Variants in NRG3 observed in about 807,000 individuals in gnomAD.
NRG3 encodes the protein neuregulin 3.
In NRG3, 31 loss-of-function variants were observed where a neutral mutation model predicts 66.9. The observed-to-expected ratio is 0.46, with a 90% CI of 0.35 to 0.63. NRG3 has a LOEUF of 0.63. NRG3 is among the 20% of genes least tolerant of loss of function. The pLI is 0.00. For synonymous variants in NRG3, 393 were observed against 359.4 expected (o/e 1.09, Z -1.06); for missense variants, 910 against 878.9 (o/e 1.04, Z -0.45).
intron 4 of NRG3, among the ~76,000 whole-genome samples, chr10:82,870,751 G>A (rs780566584): frequency 6.6e-6 from 1 of 152,110 alleles, no homozygotes; most frequent in Non-Finnish European, 1.5e-5. Flanking sequence ...TGTCTGCCAA[G>A]GTCTTTGGCC....
intron 2 of NRG3, among the ~76,000 whole-genome samples, chr10:82,718,843 G>A (rs2057127118): frequency 1.3e-5 from 2 of 152,280 alleles, no homozygotes; most frequent in South Asian, 2.1e-4. Flanking sequence ...GACTAATGAT[G>A]TTGTAGCCTA....
At chr10:82,378,820 C>T (rs1462120826) in intron 2 of NRG3, among the ~76,000 whole-genome samples, 2 of 152,068 alleles carry the variant, frequency 1.3e-5, no homozygotes, top group East Asian at 1.9e-4. Flanking sequence ...ATCCACCCAC[C>T]TCGGCCTCCC....
Position 82,985,905 on chromosome 10 carries a change from A to T in NRG3, c.*300A>T, listed in dbSNP as rs569185473. The stretch of plus-strand genomic sequence containing the variant: ...GTGGGCAATTCAGACCCTTGGCCCC[A>T]CAGTGCCAGTGTCTCATTAAAAAAC... On this transcript the variant is annotated 3_prime_UTR_variant, in exon 9 of 9. Transcript: ENST00000372141. 30 of 247,322 alleles carry T rather than the reference A, an allele frequency of 1.2e-4. No homozygotes were observed. The South Asian group carries it at 2.1e-3, about 17-fold the overall frequency. 15.3% of individuals were successfully genotyped at this position (247,322 alleles called of 1,614,324 possible).
chr10:82,621,177 G>A (rs2049015130), intron 2 of NRG3, among the ~76,000 whole-genome samples: 1 of 152,136 alleles, frequency 6.6e-6, no homozygotes, highest in South Asian at 2.1e-4. Flanking sequence ...GGAACTTGAA[G>A]TATTGTCTTT....
At chr10:82,034,815 G>C (rs1425550869) in intron 1 of NRG3, among the ~76,000 whole-genome samples, 1 of 152,036 alleles carries the variant, frequency 6.6e-6, no homozygotes, top group Non-Finnish European at 1.5e-5. Flanking sequence ...GGCTCAGTGA[G>C]AGCAGAGGCT....
chr10:82,591,949 G>C (rs564133466), intron 2 of NRG3, among the ~76,000 whole-genome samples: 1 of 152,150 alleles, frequency 6.6e-6, no homozygotes, highest in African/African-American at 2.4e-5. Flanking sequence ...GAGAACTCTA[G>C]TTTTTCTCCA....
intron 1 of NRG3, among the ~76,000 whole-genome samples, chr10:81,971,153 A>G (rs1230380799): frequency 2.0e-5 from 3 of 152,246 alleles, no homozygotes; most frequent in Non-Finnish European, 2.9e-5. Flanking sequence ...AAAGAAAAAA[A>G]GAACACAACA....
chr10:81,911,476 A>G (rs757862487), intron 1 of NRG3, among the ~76,000 whole-genome samples: 2 of 151,998 alleles, frequency 1.3e-5, no homozygotes, highest in African/African-American at 2.4e-5. Context: ...TGCAATGGAA[A>G]TGCCCTCTCG....
At chr10:81,981,878 G>A (rs1217669004) in intron 1 of NRG3, among the ~76,000 whole-genome samples, 1 of 152,142 alleles carries the variant, frequency 6.6e-6, no homozygotes, top group Non-Finnish European at 1.5e-5. Context: ...AGTGTTTTCT[G>A]CTGATATAAG....
intron 2 of NRG3, among the ~76,000 whole-genome samples, chr10:82,495,227 G>A (rs989417851): frequency 6.6e-6 from 1 of 152,100 alleles, no homozygotes; most frequent in African/African-American, 2.4e-5. Context: ...GAGCCACTGC[G>A]CCAGGCCGAT....
chr10:82,956,560 G>A (rs1011280993), intron 5 of NRG3, among the ~76,000 whole-genome samples: 6 of 152,002 alleles, frequency 3.9e-5, no homozygotes, highest in African/African-American at 9.7e-5. Context: ...TTTAGGAAAC[G>A]CAGTCCGGTA....
At chr10:82,879,958 C>T (rs1208879659) in intron 4 of NRG3, among the ~76,000 whole-genome samples, 18 of 78,444 alleles carry the variant, frequency 2.3e-4, no homozygotes, top group East Asian at 9.1e-4. Context: ...GATTTCATCC[C>T]TTTTTTTTTT....
chr10:82,398,316 C>A (rs2086846746), intron 2 of NRG3, among the ~76,000 whole-genome samples: 1 of 152,020 alleles, frequency 6.6e-6, no homozygotes, highest in South Asian at 2.1e-4. Flanking sequence ...GAAGTGATTA[C>A]AATCTAGGAA....
chr10:82,856,756 C>CAAAAAAAAAAAAAAAA (rs67224862), intron 3 of NRG3, among the ~76,000 whole-genome samples: 95 of 107,414 alleles, frequency 8.8e-4, no homozygotes, highest in Middle Eastern at 7.8e-3. Context: ...AAAAAAAAAA[C>CAAAAAAAAAAAAAAAA]AAAAAAAAAA....
chr10:82,485,958 A>G (rs950622403), intron 2 of NRG3, among the ~76,000 whole-genome samples: 1 of 152,218 alleles, frequency 6.6e-6, no homozygotes, highest in African/African-American at 2.4e-5. Context: ...ACAAAAAAGT[A>G]ATAATAACCC....
At chr10:82,086,619 A>G (rs1480123185) in intron 1 of NRG3, among the ~76,000 whole-genome samples, 1 of 152,154 alleles carries the variant, frequency 6.6e-6, no homozygotes, top group Non-Finnish European at 1.5e-5. Context: ...AGGTGGTTCT[A>G]AAGATAGAGA....
chr10:81,994,759 G>A (rs1466571434), intron 1 of NRG3, among the ~76,000 whole-genome samples: 1 of 151,966 alleles, frequency 6.6e-6, no homozygotes, highest in Admixed American at 6.6e-5. Context: ...CAAATTTGAA[G>A]CAAGTCCAAT....
At chr10:81,921,241 C>G (rs1036663063) in intron 1 of NRG3, among the ~76,000 whole-genome samples, 1 of 151,984 alleles carries the variant, frequency 6.6e-6, no homozygotes, top group Non-Finnish European at 1.5e-5. Context: ...CTAATCTCCA[C>G]TAATTATAAT....
At chr10:82,069,282 T>C (rs2064665311) in intron 1 of NRG3, among the ~76,000 whole-genome samples, 1 of 152,160 alleles carries the variant, frequency 6.6e-6, no homozygotes, top group Non-Finnish European at 1.5e-5. Context: ...GAGAACTGCA[T>C]GCACGAGGTA....
Sources: allele counts gnomAD v4.1 joint callset (sites outside exome capture counted in the v4.1 genomes callset), GRCh38; gene constraint gnomAD v4.1.1; transcripts MANE v1.5; gene names NCBI Gene and HGNC (gene_info 2026-07-23, HGNC 2026-07-21).